The following IGF1R variants were observed in gnomAD, a reference collection of about 807,000 sequenced individuals.
IGF1R encodes the protein insulin-like growth factor 1 receptor.
In IGF1R, 44 loss-of-function variants were observed where a neutral mutation model predicts 144.6. The observed-to-expected ratio is 0.30, with a 90% CI of 0.24 to 0.39. The LOEUF (loss-of-function observed/expected upper bound fraction) is 0.39. Among genes scored for constraint, IGF1R ranks in the 10% least tolerant of loss-of-function variants. The pLI is 1.00. For missense variants in IGF1R, 1,355 were observed against 1,833.7 expected, an observed-to-expected ratio of 0.74 and a Z score of 4.77; for synonymous variants, 795 against 722.8, an observed-to-expected ratio of 1.10 and a Z score of -1.60.
chr15:98,759,776 G>A (rs373692132), intron 2 of IGF1R, among the ~76,000 whole-genome samples: 1 of 152,218 alleles, frequency 6.6e-6, no homozygotes, highest in South Asian at 2.1e-4. Context: ...TATCAGGACT[G>A]AAAGGTAAAG....
At chr15:98,782,360 GT>G (rs918986930) in intron 2 of IGF1R, among the ~76,000 whole-genome samples, 21 of 151,874 alleles carry the variant, frequency 1.4e-4, no homozygotes, top group African/African-American at 3.1e-4. Context: ...TGATTTTTAT[GT>G]TTTTTTTACA....
chr15:98,878,207 C>T (rs1184293599), intron 2 of IGF1R, among the ~76,000 whole-genome samples: 1 of 152,226 alleles, frequency 6.6e-6, no homozygotes, highest in African/African-American at 2.4e-5. Context: ...CTGAGCTTGG[C>T]CTCCACTTGG....
chr15:98,649,741 T>C lies in IGF1R; in HGVS notation c.94+66T>C, dbSNP rs538618238. The C allele has an allele frequency of 9.3e-4, 1,174 of 1,267,318 alleles. 4 individuals carry two copies. The highest frequency in any genetic ancestry group is 1.2e-3 in the Non-Finnish European group (1,065 of 876,762). The allele number at this position is 1,267,318 out of a possible 1,614,324, so 78.5% of individuals were successfully genotyped here. A position where few individuals can be genotyped will look rare whatever the true frequency, so the allele number is the denominator to read the frequency against. On this transcript the variant is annotated intron_variant, in intron 1 of 20. Transcript: ENST00000650285. ...TTCCTCCGAGGGGCTGCGCCCTGTT[T>C]GCGAAACCCGAGTTGCCACCGTCGC...
chr15:98,666,529 A>G (rs1596158037), intron 1 of IGF1R, among the ~76,000 whole-genome samples: 1 of 152,372 alleles, frequency 6.6e-6, no homozygotes, highest in East Asian at 1.9e-4. Flanking sequence ...TGGTCTATCC[A>G]TACAATGGAA....
intron 2 of IGF1R, among the ~76,000 whole-genome samples, chr15:98,717,608 G>A (rs529787290): frequency 6.6e-6 from 1 of 152,180 alleles, no homozygotes; most frequent in Non-Finnish European, 1.5e-5. Flanking sequence ...TGTCTATATC[G>A]GGGTGCCAGT....
intron 2 of IGF1R, among the ~76,000 whole-genome samples, chr15:98,762,557 G>T (rs1179461458): frequency 1.3e-5 from 2 of 150,366 alleles, no homozygotes; most frequent in Non-Finnish European, 1.5e-5. Flanking sequence ...GTGAAACCCC[G>T]TCTCTACTGA....
intron 2 of IGF1R, among the ~76,000 whole-genome samples, chr15:98,753,610 A>G (rs751569612): frequency 3.4e-4 from 51 of 152,058 alleles, no homozygotes; most frequent in Non-Finnish European, 6.9e-4. Context: ...GAGTATATTT[A>G]TAAAGTTAAT....
At chr15:98,777,832 G>C (rs539634822) in intron 2 of IGF1R, among the ~76,000 whole-genome samples, 1 of 152,240 alleles carries the variant, frequency 6.6e-6, no homozygotes, top group African/African-American at 2.4e-5. Flanking sequence ...ACTTTTCAGA[G>C]AAGTGGCACA....
chr15:98,850,006 T>C (rs1596357358), intron 2 of IGF1R, among the ~76,000 whole-genome samples: 1 of 152,224 alleles, frequency 6.6e-6, no homozygotes, highest in South Asian at 2.1e-4. Flanking sequence ...TAAACACGTA[T>C]TCTTTGACCC....
In IGF1R at chr15:98,896,767, A is replaced by G. The variant is rs778294422; in HGVS notation, c.964A>G (p.Ile322Val). ...TTTCTTCTTCAACAGCATGTACTGC[A>G]TCCCTTGTGAAGGTCCTTGCCCGAA... is the stretch of plus-strand genomic sequence containing the variant. ...IRNGSQSMYC[I>V]PCEGPCPKVC... The change falls in exon 4 of 21, where the codon ATC becomes GTC. Residue 322 changes from isoleucine to valine, a missense_variant. This residue lies in a region of IGF1R where 880 missense variants were observed against 1,202.7 expected (regional missense o/e 0.73). Transcript: ENST00000650285. 1 of 1,613,890 alleles carries G rather than the reference A, an allele frequency of 6.2e-7. No individual in the cohort carries two copies. The highest frequency in any genetic ancestry group is 8.5e-7 in the Non-Finnish European group (1 of 1,180,006).
intron 2 of IGF1R, among the ~76,000 whole-genome samples, chr15:98,761,697 C>A (rs2055299865): frequency 6.6e-6 from 1 of 152,228 alleles, no homozygotes; most frequent in South Asian, 2.1e-4. Context: ...GTGGTCTTAC[C>A]CGTGAGCTTG....
chr15:98,730,728 G>C (rs961781310), intron 2 of IGF1R, among the ~76,000 whole-genome samples: 6 of 152,132 alleles, frequency 3.9e-5, no homozygotes, highest in African/African-American at 1.4e-4. Flanking sequence ...TTCGAGATCT[G>C]TATCTTGGGT....
At chr15:98,886,421 C>A (rs1392647300) in intron 2 of IGF1R, among the ~76,000 whole-genome samples, 1 of 152,076 alleles carries the variant, frequency 6.6e-6, no homozygotes, top group Non-Finnish European at 1.5e-5. Context: ...TTTAGATGGG[C>A]CTTTGTTTTT....
intron 2 of IGF1R, among the ~76,000 whole-genome samples, chr15:98,711,547 T>A (rs559889610): frequency 6.6e-6 from 1 of 152,308 alleles, no homozygotes; most frequent in Admixed American, 6.5e-5. Context: ...TTTTATACAT[T>A]TTTGAGTCAT....
At chr15:98,794,370 C>T (rs192959792) in intron 2 of IGF1R, among the ~76,000 whole-genome samples, 128 of 152,186 alleles carry the variant, frequency 8.4e-4, no homozygotes, top group Non-Finnish European at 1.4e-3. Flanking sequence ...GAGGTATACA[C>T]CCATCTCTTC....
At chr15:98,917,406 A>ACAGC (rs1170506396) in intron 10 of IGF1R, among the ~76,000 whole-genome samples, 1 of 152,224 alleles carries the variant, frequency 6.6e-6, no homozygotes, top group Non-Finnish European at 1.5e-5. Flanking sequence ...GTGTAGGGCG[A>ACAGC]CAGCCTGCAT....
intron 1 of IGF1R, among the ~76,000 whole-genome samples, chr15:98,676,167 G>A (rs1484803498): frequency 6.6e-6 from 1 of 151,964 alleles, no homozygotes; most frequent in African/African-American, 2.4e-5. Flanking sequence ...TGTAGACAAA[G>A]TCTCACTCTG....
At chr15:98,774,427 A>G (rs1021403777) in intron 2 of IGF1R, among the ~76,000 whole-genome samples, 1 of 152,226 alleles carries the variant, frequency 6.6e-6, no homozygotes, top group African/African-American at 2.4e-5. Flanking sequence ...GCTTTTAGGC[A>G]TGGAAAATGC....
intron 2 of IGF1R, among the ~76,000 whole-genome samples, chr15:98,761,144 GCTCTGAGTTCCAGAGTGTT>G (rs1364085815): frequency 3.3e-5 from 5 of 152,206 alleles, no homozygotes; most frequent in Non-Finnish European, 7.3e-5. Flanking sequence ...GGCAACCCTG[GCTCTGAGTTCCAGAGTGTT>G]CTCCAGTAGG....
Sources: gnomAD v4.1 joint callset for allele counts (sites outside exome capture counted in the v4.1 genomes callset) on GRCh38, gnomAD v4.1.1 for gene constraint, gnomAD v4.1.1 regional missense constraint, MANE v1.5 for transcripts, NCBI Gene and HGNC (gene_info 2026-07-23, HGNC 2026-07-21) for gene names.